EXOSC10: variants seen among roughly 807,000 people sequenced by gnomAD.
EXOSC10 encodes the protein exosome complex component 10.
In EXOSC10, 94 loss-of-function variants were observed where a neutral mutation model predicts 126.6. The observed-to-expected ratio is 0.74, with a 90% CI of 0.63 to 0.88. The LOEUF is 0.88. EXOSC10 is among the 40% of genes least tolerant of loss of function. The pLI, the probability that EXOSC10 is intolerant of heterozygous loss-of-function variation, is 0.00. For synonymous variants in EXOSC10, 395 were observed against 400.8 expected (o/e 0.99, Z 0.17); for missense variants, 1,041 against 1,100.5 (o/e 0.95, Z 0.77).
chr1:11,077,896 T>C lies in EXOSC10; in HGVS notation c.1750-245A>G, dbSNP rs926481128. On this transcript the variant is annotated intron_variant, in intron 14 of 24. Coordinates refer to ENST00000376936, the MANE Select transcript of EXOSC10 (RefSeq NM_001001998.3). Reference sequence around the variant, plus strand: ...CACAATAGGAAGGATTCCAAAGAGCTTGAAAAAGACTCTTCTCTAGTAATC... The same window carrying C: ...CACAATAGGAAGGATTCCAAAGAGCCTGAAAAAGACTCTTCTCTAGTAATC... Among the ~76,000 whole-genome samples the C allele has an allele frequency of 9.9e-5, 15 of 152,200 alleles. 1 individual carries two copies. Among genetic ancestry groups the C allele is most frequent in the South Asian group, 8.3e-4 (4 of 4,832 alleles).
intron 18 of EXOSC10, 38 bp from the exon 19 acceptor site, chr1:11,074,046 A>T: frequency 6.3e-7 from 1 of 1,594,466 alleles, no homozygotes. Context: ...CGCTGCCGGG[A>T]ACGGAATCTA....
intron 22 of EXOSC10, 42 bp downstream of exon 22, chr1:11,069,517 C>A: frequency 2.5e-6 from 4 of 1,595,250 alleles, no homozygotes; most frequent in Non-Finnish European, 3.4e-6. Context: ...TCCCCTCTGA[C>A]GCGCACAGAT....
In EXOSC10 at chr1:11,074,128, G is replaced by A. The variant is rs1165729741; in HGVS notation, c.2082+103C>T. On this transcript the variant is annotated intron_variant, in intron 18 of 24. Transcript: ENST00000376936. ...TCAGCGTCTTTGCCAGGACACCAGG[G>A]CAGCCGACACACTGGCTTCAGAGGC... 7 of 1,372,044 alleles carry A rather than the reference G, an allele frequency of 5.1e-6. No homozygotes were observed. In the East Asian group the frequency reaches 1.6e-4, roughly 31 times the overall value. The allele number at this position is 1,372,044 out of a possible 1,614,324, so 85.0% of individuals were successfully genotyped here.
At chr1:11,067,607 A>C (rs886208751) in intron 24 of EXOSC10, among the ~76,000 whole-genome samples, 4 of 152,274 alleles carry the variant, frequency 2.6e-5, no homozygotes, top group African/African-American at 7.2e-5. Context: ...CTCACAAAAC[A>C]AAACCAAACC....
chr1:11,084,777 T>G (rs554785056), intron 9 of EXOSC10, among the ~76,000 whole-genome samples: 1 of 152,358 alleles, frequency 6.6e-6, no homozygotes, highest in South Asian at 2.1e-4. Flanking sequence ...TGTTAAGTCT[T>G]TAATCCATCT....
chr1:11,067,538 A>C (rs1200012079), intron 24 of EXOSC10, among the ~76,000 whole-genome samples: 1 of 151,750 alleles, frequency 6.6e-6, no homozygotes, highest in African/African-American at 2.4e-5. Flanking sequence ...CAGGAGGTGG[A>C]GGTTGCAGTG....
chr1:11,079,159 G>A (rs983185164), intron 14 of EXOSC10, among the ~76,000 whole-genome samples: 2 of 151,524 alleles, frequency 1.3e-5, no homozygotes, highest in Non-Finnish European at 2.9e-5. Context: ...GTGAAACCCC[G>A]CCTCTACTAA....
chr1:11,073,447 A>C (rs1032279383), intron 19 of EXOSC10, among the ~76,000 whole-genome samples: 3 of 152,160 alleles, frequency 2.0e-5, no homozygotes, highest in Non-Finnish European at 2.9e-5. Flanking sequence ...GCTTTTAAGA[A>C]TCTCACTGAA....
At chr1:11,071,964 C>T in intron 20 of EXOSC10, 123 bp downstream of exon 20, 1 of 747,786 alleles carries the variant, frequency 1.3e-6, no homozygotes, top group African/African-American at 1.7e-5. Flanking sequence ...CCCACCATCC[C>T]TCAGCAGAAG....
chr1:11,091,410 G>T, intron 4 of EXOSC10, 83 bp downstream of exon 4: 5 of 1,215,122 alleles, frequency 4.1e-6, no homozygotes, highest in Non-Finnish European at 5.9e-6. Flanking sequence ...TAATAAATTA[G>T]AACAGAAATG....
At chr1:11,078,195 T>TG (rs762719031) in intron 14 of EXOSC10, among the ~76,000 whole-genome samples, 1 of 151,944 alleles carries the variant, frequency 6.6e-6, no homozygotes, top group Non-Finnish European at 1.5e-5. Context: ...GCCTAGCAGA[T>TG]GCGAGGCTAC....
At chr1:11,073,746 C>T (rs112419013) in intron 19 of EXOSC10, among the ~76,000 whole-genome samples, 188 bp downstream of exon 19, 215 of 151,798 alleles carry the variant, frequency 1.4e-3, no homozygotes, top group Non-Finnish European at 2.3e-3. Flanking sequence ...CCGGGCATGA[C>T]AGCAGGTGCC....
intron 3 of EXOSC10, among the ~76,000 whole-genome samples, chr1:11,093,953 A>C (rs1004430972): frequency 6.6e-6 from 1 of 152,038 alleles, no homozygotes; most frequent in African/African-American, 2.4e-5. Context: ...GGTGGTGCAC[A>C]CCTGCAGTCC....
chr1:11,082,510 C>T (rs186819102), intron 10 of EXOSC10, 178 bp downstream of exon 10: 389 of 1,426,654 alleles, frequency 2.7e-4, no homozygotes, highest in Middle Eastern at 9.7e-4. Flanking sequence ...ATAAAGTCCA[C>T]CTTAGCATTA....
intron 24 of EXOSC10, 98 bp from the exon 25 acceptor site, chr1:11,066,846 AG>A: frequency 6.9e-7 from 1 of 1,456,280 alleles, no homozygotes; most frequent in Non-Finnish European, 9.6e-7. Flanking sequence ...TGCAGAACAG[AG>A]GAAGAATGGT....
chr1:11,073,252 C>A (rs1001681335), intron 19 of EXOSC10, among the ~76,000 whole-genome samples: 1 of 152,130 alleles, frequency 6.6e-6, no homozygotes, highest in Admixed American at 6.5e-5. Context: ...CCTGCCTCAG[C>A]CCCCCGAGTA....
rs967238463 is a variant in EXOSC10, at chr1:11,069,455, G to A, written c.2488+104C>T. The A allele has an allele frequency of 5.4e-5, 69 of 1,287,442 alleles. No individual in the cohort carries two copies. In the East Asian group the frequency reaches 1.3e-3, roughly 25 times the overall value. 79.8% of individuals were successfully genotyped at this position (1,287,442 alleles called of 1,614,324 possible). A position where few individuals can be genotyped will look rare whatever the true frequency, so the allele number is the denominator to read the frequency against. On this transcript the variant is annotated intron_variant, in intron 22 of 24. Coordinates refer to ENST00000376936, the MANE Select transcript of EXOSC10 (RefSeq NM_001001998.3). ...TCCAACAATTCCTGGCTAGCACCATGCCTTGTGCAGGACTCACTTGGCCCC... is the reference window on the plus strand; with the variant it reads ...TCCAACAATTCCTGGCTAGCACCATACCTTGTGCAGGACTCACTTGGCCCC...
At chr1:11,093,093 T>C (rs1315327322) in intron 3 of EXOSC10, among the ~76,000 whole-genome samples, 1 of 152,168 alleles carries the variant, frequency 6.6e-6, no homozygotes, top group Non-Finnish European at 1.5e-5. Context: ...AATAAAAATT[T>C]TACAAAGTTG....
At chr1:11,093,842 G>T (rs1553168069) in intron 3 of EXOSC10, among the ~76,000 whole-genome samples, 2 of 152,076 alleles carry the variant, frequency 1.3e-5, no homozygotes, top group Admixed American at 1.3e-4. Flanking sequence ...GAGGTGGGGG[G>T]GGATTGTTTG....
Sources: allele counts gnomAD v4.1 joint callset (sites outside exome capture counted in the v4.1 genomes callset), GRCh38; gene constraint gnomAD v4.1.1; transcripts MANE v1.5; gene names NCBI Gene and HGNC (gene_info 2026-07-23, HGNC 2026-07-21).